Variants in UNC13C observed in about 807,000 individuals in gnomAD.
UNC13C encodes the protein protein unc-13 homolog C.
In UNC13C, 174 loss-of-function variants were observed where a neutral mutation model predicts 245.4. That is an observed-to-expected ratio of 0.71 (90% CI 0.63 to 0.80). The LOEUF (loss-of-function observed/expected upper bound fraction) is 0.80, where lower values mean the gene tolerates loss of function less well. Ranked by LOEUF, UNC13C falls within the 30% of genes least tolerant of loss-of-function variation. UNC13C has a pLI of 0.00. For missense variants in UNC13C, 2,829 were observed against 2,602.9 expected, an observed-to-expected ratio of 1.09 and a Z score of -1.89; for synonymous variants, 992 against 895.1, an observed-to-expected ratio of 1.11 and a Z score of -1.93.
intron 2 of UNC13C, 125 bp from the exon 3 acceptor site, chr15:54,142,893 A>G: frequency 2.4e-6 from 2 of 848,122 alleles, no homozygotes; most frequent in Non-Finnish European, 3.8e-6. Context: ...CAACCTTGAA[A>G]CTCTGTTTAT....
chr15:53,964,939 G>T, the UNC13C span, among the ~76,000 whole-genome samples: 1 of 152,088 alleles, frequency 6.6e-6, no homozygotes, highest in African/African-American at 2.4e-5. Flanking sequence ...GACATAGCCT[G>T]CCCCAAGATA....
intron 1 of UNC13C, among the ~76,000 whole-genome samples, chr15:53,994,249 A>G (rs566813461): frequency 8.7e-4 from 119 of 137,412 alleles, no homozygotes; most frequent in African/African-American, 3.3e-3. Context: ...GGCAGCATGT[A>G]TTACCTATAC....
the UNC13C span, among the ~76,000 whole-genome samples, chr15:53,957,232 C>G: frequency 6.6e-6 from 1 of 152,082 alleles, no homozygotes; most frequent in Non-Finnish European, 1.5e-5. Context: ...ACCTCCACCT[C>G]CTGGGTTCAA....
the UNC13C span, among the ~76,000 whole-genome samples, chr15:53,945,875 A>C: frequency 6.6e-6 from 1 of 152,172 alleles, no homozygotes; most frequent in Non-Finnish European, 1.5e-5. Flanking sequence ...CTTCCTATCC[A>C]TGAGTATGGA....
At chr15:53,862,924 C>G in the UNC13C span, among the ~76,000 whole-genome samples, 2 of 152,168 alleles carry the variant, frequency 1.3e-5, no homozygotes, top group African/African-American at 4.8e-5. Flanking sequence ...ATGTAAAATA[C>G]ATTCATTTCA....
intron 30 of UNC13C, among the ~76,000 whole-genome samples, chr15:54,577,844 A>G (rs1898024385): frequency 6.6e-6 from 1 of 152,212 alleles, no homozygotes; most frequent in African/African-American, 2.4e-5. Flanking sequence ...TGATACTTGA[A>G]AAATCTTTAG....
intron 4 of UNC13C, among the ~76,000 whole-genome samples, chr15:54,157,643 G>A (rs574040823): frequency 2.0e-5 from 3 of 152,126 alleles, no homozygotes; most frequent in Non-Finnish European, 4.4e-5. Context: ...GCTACTCAAA[G>A]GGTTCTTCTG....
At chr15:54,602,441 C>T (rs1899491038) in intron 30 of UNC13C, among the ~76,000 whole-genome samples, 1 of 152,066 alleles carries the variant, frequency 6.6e-6, no homozygotes, top group South Asian at 2.1e-4. Flanking sequence ...TCAGTGGCCA[C>T]CATAGTTCTA....
the UNC13C span, among the ~76,000 whole-genome samples, chr15:53,850,002 A>G: frequency 6.6e-6 from 1 of 152,232 alleles, no homozygotes; most frequent in Admixed American, 6.5e-5. Flanking sequence ...GTCTGTAGAT[A>G]CAAGTTTCTT....
chr15:54,165,509 G>A (rs1447979718), intron 4 of UNC13C, among the ~76,000 whole-genome samples: 1 of 152,098 alleles, frequency 6.6e-6, no homozygotes, highest in Non-Finnish European at 1.5e-5. Context: ...AAATGACAGA[G>A]CTAGGTTCTG....
At chr15:54,242,297 T>C (rs2035874786) in intron 7 of UNC13C, among the ~76,000 whole-genome samples, 1 of 152,152 alleles carries the variant, frequency 6.6e-6, no homozygotes, top group African/African-American at 2.4e-5. Flanking sequence ...GAGAGTAATT[T>C]TTTGACTGTT....
chr15:54,014,751 GACTGAA>G lies in UNC13C; in HGVS notation c.1856_1861del (p.Thr619_Glu620del). 1 of 1,613,910 alleles carries G rather than the reference GACTGAA, an allele frequency of 6.2e-7. No homozygotes were observed. The highest frequency in any genetic ancestry group is 8.5e-7 in the Non-Finnish European group (1 of 1,179,836). On this transcript the variant is annotated inframe_deletion, in exon 2 of 33. Transcript: ENST00000260323. ...GAGGTGTTCAGGGTATCCAAGGGCA[GACTGAA>G]ACTGAAAACACAGAAACTGTGGATA...
the UNC13C span, among the ~76,000 whole-genome samples, chr15:53,943,676 T>A: frequency 6.6e-6 from 1 of 152,180 alleles, no homozygotes; most frequent in African/African-American, 2.4e-5. Flanking sequence ...TATAGTATTG[T>A]ACTTCACACT....
intron 1 of UNC13C, among the ~76,000 whole-genome samples, chr15:53,996,042 G>A (rs1352989011): frequency 6.6e-6 from 1 of 152,156 alleles, no homozygotes; most frequent in Non-Finnish European, 1.5e-5. Context: ...TATTGCTTAG[G>A]CTGGGTGGAC....
chr15:54,064,393 G>T (rs534313733), intron 2 of UNC13C, among the ~76,000 whole-genome samples: 45 of 152,076 alleles, frequency 3.0e-4, no homozygotes, highest in Non-Finnish European at 5.1e-4. Flanking sequence ...GCTCACTTAA[G>T]GTCTTTCCTC....
rs1566948228 is a variant in UNC13C, at chr15:54,627,106, G to C, written c.6638G>C (p.Ser2213Thr). The change falls in exon 33 of 33, where the codon AGT becomes ACT. Residue 2213 changes from serine (S) to threonine (T), a missense_variant. Physicochemically the swap from Ser to Thr is moderately conservative, Grantham distance 58. Coordinates refer to ENST00000260323, the MANE Select transcript of UNC13C (RefSeq NM_001080534.3). ...TCTGAAACAAGATCTACTGAAGAGAGTGCTTGAAACAAACACTGCAAGCTA... is the reference window on the plus strand; with the variant it reads ...TCTGAAACAAGATCTACTGAAGAGACTGCTTGAAACAAACACTGCAAGCTA... Reference protein sequence around the residue: ...LKSETRSTEESA With the variant: ...LKSETRSTEETA 6.2e-7 allele frequency: 1 copy of C among 1,608,324 alleles called. No homozygotes were observed. Among genetic ancestry groups the C allele is most frequent in the East Asian group, 2.2e-5 (1 of 44,772 alleles).
At chr15:54,268,482 G>A (rs1455703610) in intron 10 of UNC13C, among the ~76,000 whole-genome samples, 1 of 152,032 alleles carries the variant, frequency 6.6e-6, no homozygotes, top group Non-Finnish European at 1.5e-5. Context: ...TTGCTTGCCT[G>A]GTAATTTTAG....
chr15:54,509,157 C>A (rs1190255719), intron 23 of UNC13C, among the ~76,000 whole-genome samples: 2 of 152,140 alleles, frequency 1.3e-5, no homozygotes, highest in East Asian at 3.9e-4. Context: ...CAAGATTGTG[C>A]CATTGCACTC....
chr15:54,507,151 T>C lies in UNC13C; in HGVS notation c.5336T>C (p.Ile1779Thr). 2 of 1,600,108 alleles carry C rather than the reference T, an allele frequency of 1.2e-6. No individual in the cohort carries two copies. Among genetic ancestry groups the C allele is most frequent in the South Asian group, 1.1e-5 (1 of 88,616 alleles). The change falls in exon 23 of 33, where the codon ATT becomes ACT. Residue 1779 changes from isoleucine to threonine, a missense_variant. Physicochemically the swap from Ile to Thr is moderately conservative, Grantham distance 89 (BLOSUM62 -1). Coordinates refer to ENST00000260323, the MANE Select transcript of UNC13C (RefSeq NM_001080534.3). ...AAAGTGCTGCTCCAGTATGCTGCAA[T>C]TGTATCAAGTGATTTCAGTTCACAT... The part of the protein sequence containing the change: ...INKVLLQYAA[I>T]VSSDFSSHCD...
Sources: allele counts gnomAD v4.1 joint callset (sites outside exome capture counted in the v4.1 genomes callset), GRCh38; gene constraint gnomAD v4.1.1; transcripts MANE v1.5; gene names NCBI Gene and HGNC (gene_info 2026-07-23, HGNC 2026-07-21).